Variants in SIMC1 observed in about 807,000 individuals in gnomAD.
SIMC1 encodes the protein SUMO interacting motifs containing 1, also known as SUMO-interacting motif-containing protein 1.
In SIMC1, 55 loss-of-function variants were observed where a neutral mutation model predicts 82.3. The ratio of observed to expected loss-of-function variants is 0.67; its 90% CI spans 0.54 to 0.84. The LOEUF (loss-of-function observed/expected upper bound fraction) is 0.84. Ranked by LOEUF, SIMC1 falls within the 40% of genes least tolerant of loss-of-function variation. SIMC1 has a pLI of 0.00. For missense variants in SIMC1, 915 were observed against 1,107.2 expected, an observed-to-expected ratio of 0.83 and a Z score of 2.46; for synonymous variants, 353 against 426.3, an observed-to-expected ratio of 0.83 and a Z score of 2.12.
At chr5:176,314,501 C>A (rs1347318591) in intron 5 of SIMC1, among the ~76,000 whole-genome samples, 2 of 152,072 alleles carry the variant, frequency 1.3e-5, no homozygotes, top group Admixed American at 1.3e-4. Flanking sequence ...TATTCCTATC[C>A]CCCGATGAAC....
At chr5:176,294,048 A>T (rs1763698576) in intron 2 of SIMC1, among the ~76,000 whole-genome samples, 1 of 152,180 alleles carries the variant, frequency 6.6e-6, no homozygotes, top group Non-Finnish European at 1.5e-5. Flanking sequence ...AAATGAATTT[A>T]AAACTTCTTT....
intron 1 of SIMC1, among the ~76,000 whole-genome samples, chr5:176,252,222 C>G (rs1409690184): frequency 1.3e-5 from 2 of 150,936 alleles, no homozygotes; most frequent in East Asian, 4.0e-4. Context: ...TGACCGCCCC[C>G]CCCACCTCCC....
At chr5:176,340,556 G>T (rs1204992469) in intron 9 of SIMC1, among the ~76,000 whole-genome samples, 1 of 152,186 alleles carries the variant, frequency 6.6e-6, no homozygotes, top group African/African-American at 2.4e-5. Context: ...GTCCACGGAC[G>T]GGGAAAAGCA....
At chr5:176,318,209 A>G (rs1388554109) in intron 5 of SIMC1, among the ~76,000 whole-genome samples, 1 of 152,128 alleles carries the variant, frequency 6.6e-6, no homozygotes, top group Non-Finnish European at 1.5e-5. Context: ...GGTACTTTCA[A>G]TTTTTCATCT....
chr5:176,263,685 G>A (rs1439000354), intron 1 of SIMC1, among the ~76,000 whole-genome samples: 1 of 152,140 alleles, frequency 6.6e-6, no homozygotes, highest in East Asian at 1.9e-4. Flanking sequence ...CTGACACTTG[G>A]AGGGGCCAAA....
At chr5:176,291,491 C>G (rs1018006433) in intron 2 of SIMC1, among the ~76,000 whole-genome samples, 4 of 152,070 alleles carry the variant, frequency 2.6e-5, no homozygotes, top group African/African-American at 9.7e-5. Context: ...CGCCCGCTAC[C>G]ACGCCCAGCT....
intron 7 of SIMC1, among the ~76,000 whole-genome samples, chr5:176,325,185 A>G (rs926731059): frequency 6.6e-6 from 1 of 151,970 alleles, no homozygotes. Flanking sequence ...CAGGAGTTCA[A>G]GACCAGCCTT....
At chr5:176,299,226 C>A (rs1376202833) in intron 4 of SIMC1, among the ~76,000 whole-genome samples, 1 of 152,112 alleles carries the variant, frequency 6.6e-6, no homozygotes, top group Admixed American at 6.6e-5. Flanking sequence ...AGACTCTTGT[C>A]TCTAAAAAAG....
chr5:176,306,086 C>T (rs1249517587), intron 4 of SIMC1, among the ~76,000 whole-genome samples: 1 of 85,322 alleles, frequency 1.2e-5, no homozygotes, highest in African/African-American at 4.5e-5. Context: ...AGGTGAGGGG[C>T]GCCTCTGCCC....
intron 4 of SIMC1, 44 bp downstream of exon 4, chr5:176,296,364 A>C: frequency 3.1e-6 from 5 of 1,612,836 alleles, no homozygotes; most frequent in Non-Finnish European, 4.2e-6. Context: ...GGGAAGTTTT[A>C]ACTATAAAGA....
chr5:176,277,928 G>A (rs1291816605), intron 1 of SIMC1, among the ~76,000 whole-genome samples: 1 of 150,128 alleles, frequency 6.7e-6, no homozygotes, highest in Admixed American at 6.7e-5. Context: ...ACTTGGCGAT[G>A]TGGGCTCTTT....
chr5:176,244,630 G>A (rs1338219264), intron 1 of SIMC1, among the ~76,000 whole-genome samples: 1 of 151,814 alleles, frequency 6.6e-6, no homozygotes, highest in Admixed American at 6.6e-5. Context: ...ATGTTTATTG[G>A]AAACACATAG....
intron 1 of SIMC1, among the ~76,000 whole-genome samples, chr5:176,246,799 C>T (rs919579129): frequency 6.6e-5 from 10 of 151,870 alleles, no homozygotes; most frequent in African/African-American, 2.4e-4. Context: ...GTGATGTTCC[C>T]ATCCCTGTGT....
chr5:176,251,111 C>G (rs192249294), intron 1 of SIMC1, among the ~76,000 whole-genome samples: 1 of 152,280 alleles, frequency 6.6e-6, no homozygotes, highest in East Asian at 1.9e-4. Flanking sequence ...CCTACAATCT[C>G]AGCACTTTGG....
At chr5:176,308,381 G>C (rs1276573699) in intron 4 of SIMC1, 2 of 1,592,554 alleles carry the variant, frequency 1.3e-6, no homozygotes, top group Non-Finnish European at 1.7e-6. Flanking sequence ...AGGCAGAGAA[G>C]TTGGCTGAAC....
chr5:176,309,163 C>T, intron 4 of SIMC1: 1 of 601,432 alleles, frequency 1.7e-6, no homozygotes, highest in Non-Finnish European at 2.9e-6. Flanking sequence ...ATGGTATTGG[C>T]AGAGGAACAG....
At chr5:176,266,050 G>A (rs1346570393) in intron 1 of SIMC1, among the ~76,000 whole-genome samples, 1 of 152,146 alleles carries the variant, frequency 6.6e-6, no homozygotes, top group Non-Finnish European at 1.5e-5. Flanking sequence ...GAAGAGCAAT[G>A]CAGTTGGATT....
At chr5:176,317,285 C>G (rs115787065) in intron 5 of SIMC1, among the ~76,000 whole-genome samples, 16 of 152,086 alleles carry the variant, frequency 1.1e-4, no homozygotes, top group East Asian at 7.7e-4. Context: ...CCATATGAAC[C>G]CTTCTTAAGG....
At chr5:176,336,593 G>C (rs67874748) in intron 7 of SIMC1, 127 bp from the exon 8 acceptor site, 1 of 1,287,192 alleles carries the variant, frequency 7.8e-7, no homozygotes, top group Non-Finnish European at 1.1e-6. Context: ...GATTCTGTGG[G>C]CTTCCATGGT....
Sources: allele counts gnomAD v4.1 joint callset (sites outside exome capture counted in the v4.1 genomes callset), GRCh38; gene constraint gnomAD v4.1.1; transcripts MANE v1.5; gene names NCBI Gene and HGNC (gene_info 2026-07-23, HGNC 2026-07-21).